Variants in TNNI3K observed in about 807,000 individuals in gnomAD.
TNNI3K encodes the protein TNNI3 interacting kinase, also known as serine/threonine-protein kinase TNNI3K.
A neutral mutation model predicts 114.5 loss-of-function variants in TNNI3K; 140 were observed. That is an observed-to-expected ratio of 1.22 (90% CI 1.07 to 1.41). The LOEUF (loss-of-function observed/expected upper bound fraction) is 1.41, where lower values mean the gene tolerates loss of function less well. Ranked by LOEUF, TNNI3K falls within the 40% of genes most tolerant of loss-of-function variation. The pLI, the probability that TNNI3K is intolerant of heterozygous loss-of-function variation, is 0.00. For synonymous variants in TNNI3K, 347 were observed against 347.5 expected (o/e 1.00, Z 0.02); for missense variants, 1,125 against 1,007.6 (o/e 1.12, Z -1.58).
At chr1:74,374,795 C>T (rs992460687) in intron 17 of TNNI3K, 1 of 151,942 alleles carries the variant, frequency 6.6e-6, no homozygotes, top group Non-Finnish European at 1.5e-5. Context: ...GACCTCACCA[C>T]CTACCAACTT....
intron 2 of TNNI3K, among the ~76,000 whole-genome samples, chr1:74,245,968 A>G (rs1403336958): frequency 6.6e-6 from 1 of 152,224 alleles, no homozygotes; most frequent in Admixed American, 6.5e-5. Flanking sequence ...AATAAACTCC[A>G]GTGTTTATAA....
At chr1:74,410,313 G>T (rs1664820813) in intron 17 of TNNI3K, among the ~76,000 whole-genome samples, 1 of 152,050 alleles carries the variant, frequency 6.6e-6, no homozygotes, top group South Asian at 2.1e-4. Context: ...CTGTCCCAAA[G>T]AGCTTATATT....
At chr1:74,374,496 A>G (rs1006182250) in intron 17 of TNNI3K, 2 of 151,932 alleles carry the variant, frequency 1.3e-5, no homozygotes, top group Admixed American at 6.6e-5. Flanking sequence ...GAAGAGAGAG[A>G]TAGAAGGAGC....
At chr1:74,449,144 T>G (rs1666859110) in intron 20 of TNNI3K, among the ~76,000 whole-genome samples, 2 of 150,938 alleles carry the variant, frequency 1.3e-5, no homozygotes, top group African/African-American at 4.9e-5. Context: ...TTTCAGCTCC[T>G]GTTATTGGTC....
chr1:74,542,524 G>GA (rs1400585904), intron 24 of TNNI3K, among the ~76,000 whole-genome samples: 1 of 152,152 alleles, frequency 6.6e-6, no homozygotes, highest in Non-Finnish European at 1.5e-5. Flanking sequence ...CATCTGACCA[G>GA]AGCCAGTCCC....
At chr1:74,423,452 A>G (rs1008943353) in intron 17 of TNNI3K, among the ~76,000 whole-genome samples, 1 of 152,168 alleles carries the variant, frequency 6.6e-6, no homozygotes. Context: ...GACCCTGTCA[A>G]AGCATATGTG....
At chr1:74,319,633 C>T (rs1490338787) in intron 5 of TNNI3K, among the ~76,000 whole-genome samples, 2 of 152,056 alleles carry the variant, frequency 1.3e-5, no homozygotes, top group East Asian at 3.9e-4. Flanking sequence ...CATGGCCTGG[C>T]AAGTAGATAT....
chr1:74,254,047 T>G (rs1188174705), intron 4 of TNNI3K, among the ~76,000 whole-genome samples: 2 of 152,252 alleles, frequency 1.3e-5, no homozygotes, highest in Non-Finnish European at 2.9e-5. Flanking sequence ...CCATATAGTA[T>G]TAATAACTGT....
intron 6 of TNNI3K, among the ~76,000 whole-genome samples, chr1:74,332,110 AAT>A (rs1660233759): frequency 6.6e-6 from 1 of 152,018 alleles, no homozygotes; most frequent in Admixed American, 6.6e-5. Flanking sequence ...TTTCTGTAAT[AAT>A]ATATATAGAA....
chr1:74,331,581 G>A (rs200261534), intron 6 of TNNI3K, 33 bp downstream of exon 6: 1 of 1,583,920 alleles, frequency 6.3e-7, no homozygotes, highest in Non-Finnish European at 8.6e-7. Flanking sequence ...CAAAGGTTAG[G>A]TGTTGCTTAA....
intron 19 of TNNI3K, 100 bp from the exon 20 acceptor site, chr1:74,439,390 A>T (rs879084538): frequency 1.3e-6 from 2 of 1,517,762 alleles, no homozygotes; most frequent in South Asian, 2.7e-5. Flanking sequence ...TTTTGAGAGC[A>T]TCGGGAGAAC....
intron 5 of TNNI3K, among the ~76,000 whole-genome samples, chr1:74,281,051 G>T (rs1378653894): frequency 6.6e-6 from 1 of 152,122 alleles, no homozygotes; most frequent in Non-Finnish European, 1.5e-5. Flanking sequence ...CTACTGAACA[G>T]CATTTCTAGA....
At chr1:74,425,171 G>A (rs1665577378) in intron 17 of TNNI3K, among the ~76,000 whole-genome samples, 2 of 152,088 alleles carry the variant, frequency 1.3e-5, no homozygotes, top group Admixed American at 1.3e-4. Context: ...AGGCATGGCA[G>A]TCAATGATTA....
chr1:74,280,640 C>T (rs984819782), intron 5 of TNNI3K, among the ~76,000 whole-genome samples: 4 of 152,192 alleles, frequency 2.6e-5, no homozygotes, highest in African/African-American at 9.7e-5. Flanking sequence ...TTTAGACCAG[C>T]CTCAGCCAGA....
At chr1:74,433,872 G>A (rs1483217378) in intron 17 of TNNI3K, among the ~76,000 whole-genome samples, 1 of 151,992 alleles carries the variant, frequency 6.6e-6, no homozygotes, top group Non-Finnish European at 1.5e-5. Context: ...CTTTCTCACT[G>A]TGTATATTAT....
intron 23 of TNNI3K, among the ~76,000 whole-genome samples, chr1:74,493,633 G>T (rs935730227): frequency 6.6e-6 from 1 of 152,138 alleles, no homozygotes; most frequent in Non-Finnish European, 1.5e-5. Flanking sequence ...TTGCTCACTT[G>T]TTTGTGGGCT....
intron 17 of TNNI3K, among the ~76,000 whole-genome samples, chr1:74,431,686 C>T (rs1453617997): frequency 1.3e-5 from 2 of 152,042 alleles, no homozygotes; most frequent in Middle Eastern, 3.2e-3. Context: ...TTAGTAAATG[C>T]GCTTCTAGCA....
chr1:74,290,643 TA>T, intron 5 of TNNI3K, among the ~76,000 whole-genome samples: 1 of 151,932 alleles, frequency 6.6e-6, no homozygotes, highest in Non-Finnish European at 1.5e-5. Context: ...AAGACACATA[TA>T]AAGACTTTGT....
At position 74,489,235 on chromosome 1, in the gene TNNI3K, T is replaced by C. The variant is rs200840425; in HGVS notation, c.2168T>C (p.Leu723Pro). Residue 723 changes from leucine to proline, a missense_variant, in exon 22 of 25, where the codon CTC becomes CCC. Physicochemically the swap from Leu to Pro is moderately conservative, Grantham distance 98. Coordinates refer to ENST00000326637, the MANE Select transcript of TNNI3K (RefSeq NM_015978.3). ...GTTGTCATGAAGTTAGAAGAGTGTCTCTGCAACATTGAGGTAAAAGCTTTA... is the reference window on the plus strand; with the variant it reads ...GTTGTCATGAAGTTAGAAGAGTGTCCCTGCAACATTGAGGTAAAAGCTTTA... ...SEVVMKLEEC[L>P]CNIELMSPAS... 26 of 1,611,918 alleles carry C rather than the reference T, an allele frequency of 1.6e-5. No individual in the cohort carries two copies. The highest frequency in any genetic ancestry group is 1.9e-5 in the Non-Finnish European group (22 of 1,179,074).
Sources: allele counts gnomAD v4.1 joint callset (sites outside exome capture counted in the v4.1 genomes callset), GRCh38; gene constraint gnomAD v4.1.1; transcripts MANE v1.5; gene names NCBI Gene and HGNC (gene_info 2026-07-23, HGNC 2026-07-21).